Variants in INTS6 observed in about 807,000 individuals in gnomAD.
INTS6 encodes the protein integrator complex subunit 6.
INTS6 carries 16 observed loss-of-function variants against 104.9 expected under a neutral mutation model. The ratio of observed to expected loss-of-function variants is 0.15; its 90% CI spans 0.10 to 0.23. The LOEUF (loss-of-function observed/expected upper bound fraction) is 0.23, where lower values mean the gene tolerates loss of function less well. Among genes scored for constraint, INTS6 ranks in the 10% least tolerant of loss-of-function variants. INTS6 has a pLI of 1.00. For synonymous variants in INTS6, 324 were observed against 358.7 expected (o/e 0.90, Z 1.09); for missense variants, 584 against 1,062.8 (o/e 0.55, Z 6.26).
chr13:51,335,365 A>G, the INTS6 span, among the ~76,000 whole-genome samples: 1 of 152,234 alleles, frequency 6.6e-6, no homozygotes, highest in Non-Finnish European at 1.5e-5. Flanking sequence ...TCAGAAGAGG[A>G]AACAGAAAAG....
chr13:51,420,197 C>A (rs1030158707), intron 4 of INTS6, among the ~76,000 whole-genome samples: 5 of 151,374 alleles, frequency 3.3e-5, no homozygotes, highest in African/African-American at 1.2e-4. Context: ...TTTTAAAGTT[C>A]TATTTTAATA....
intron 5 of INTS6, among the ~76,000 whole-genome samples, chr13:51,392,697 G>A (rs1477150029): frequency 2.6e-5 from 4 of 152,086 alleles, no homozygotes; most frequent in Non-Finnish European, 1.5e-5. Flanking sequence ...CCCTTACTCT[G>A]TTTTGTCTTC....
intron 7 of INTS6, chr13:51,384,907 T>C (rs1212251658): frequency 2.9e-6 from 1 of 347,380 alleles, no homozygotes; most frequent in African/African-American, 2.2e-5. Flanking sequence ...CTTTGTTTAG[T>C]TTCTAATCAG....
downstream of INTS6, among the ~76,000 whole-genome samples, chr13:51,349,226 A>C (rs1955382348): frequency 6.6e-6 from 1 of 152,196 alleles, no homozygotes; most frequent in African/African-American, 2.4e-5. Flanking sequence ...CAGTAGGCAA[A>C]GGCAAAGTCC....
At chr13:51,339,087 T>C in the INTS6 span, among the ~76,000 whole-genome samples, 2 of 152,224 alleles carry the variant, frequency 1.3e-5, no homozygotes, top group African/African-American at 4.8e-5. Context: ...AAATTAGTCA[T>C]TGGACTTACG....
Position 51,449,906 on chromosome 13 carries a change from C to T in INTS6, c.339+1119G>A. The T allele has an allele frequency of 3.0e-6, 3 of 985,158 alleles. No individual in the cohort carries two copies. The South Asian group carries it at 1.4e-4, about 46-fold the overall frequency. 61.0% of individuals were successfully genotyped at this position (985,158 alleles called of 1,614,324 possible). Reference sequence around the variant, plus strand: ...TTGGAAGTTCAATTTGGTAAGCTCACTCTGAATTTCAGTGTACATTTTAAA... The same window carrying T: ...TTGGAAGTTCAATTTGGTAAGCTCATTCTGAATTTCAGTGTACATTTTAAA... On this transcript the variant is annotated intron_variant, in intron 3 of 17. Transcript: ENST00000311234.
downstream of INTS6, among the ~76,000 whole-genome samples, chr13:51,352,141 C>G (rs2137795560): frequency 6.6e-6 from 1 of 152,068 alleles, no homozygotes; most frequent in South Asian, 2.1e-4. Context: ...CAATTTTTGC[C>G]AAAAATGCAG....
chr13:51,411,136 C>A (rs1318346641), intron 4 of INTS6, among the ~76,000 whole-genome samples: 5 of 151,598 alleles, frequency 3.3e-5, no homozygotes, highest in African/African-American at 9.7e-5. Flanking sequence ...TTGCTTGAAC[C>A]CGGGAGGCAG....
At chr13:51,440,210 C>T (rs1952768926) in intron 3 of INTS6, 1 of 149,784 alleles carries the variant, frequency 6.7e-6, no homozygotes, top group African/African-American at 2.5e-5. Context: ...GAGATCGAGC[C>T]ACTGCACTCC....
At chr13:51,341,453 C>A in the INTS6 span, 1 of 1,131,402 alleles carries the variant, frequency 8.8e-7, no homozygotes. Flanking sequence ...TCCAGCTTAC[C>A]CTGCTGCTCA....
At chr13:51,450,546 A>G in intron 3 of INTS6, 1 of 985,430 alleles carries the variant, frequency 1.0e-6, no homozygotes, top group Non-Finnish European at 1.2e-6. Flanking sequence ...CAGTGACTGT[A>G]CTCCAGTGAA....
At chr13:51,379,253 G>A (rs1013788367) in intron 11 of INTS6, among the ~76,000 whole-genome samples, 3 of 151,600 alleles carry the variant, frequency 2.0e-5, no homozygotes, top group Admixed American at 6.6e-5. Context: ...CATAAATTAG[G>A]AATTATTATA....
intron 3 of INTS6, chr13:51,449,723 AAAGAG>A (rs1431901475): frequency 8.1e-6 from 8 of 985,270 alleles, no homozygotes. Flanking sequence ...AAGGAATATA[AAAGAG>A]AAGGAAATCC....
the INTS6 span, among the ~76,000 whole-genome samples, chr13:51,337,224 C>T: frequency 6.6e-6 from 1 of 152,214 alleles, no homozygotes; most frequent in Non-Finnish European, 1.5e-5. Context: ...ACAGGCAGCC[C>T]ATACAAGCAC....
downstream of INTS6, among the ~76,000 whole-genome samples, chr13:51,358,132 T>C (rs1050491086): frequency 2.0e-5 from 3 of 152,034 alleles, no homozygotes; most frequent in African/African-American, 7.2e-5. Flanking sequence ...GCACTCTCTC[T>C]CCCTCTCCTG....
At chr13:51,438,127 C>A (rs1236829734) in intron 3 of INTS6, 3 of 152,256 alleles carry the variant, frequency 2.0e-5, no homozygotes, top group South Asian at 2.1e-4. Context: ...CCCAACATTG[C>A]TAAGATTTTT....
intron 4 of INTS6, among the ~76,000 whole-genome samples, chr13:51,417,630 A>C (rs1248423350): frequency 1.3e-5 from 2 of 151,446 alleles, no homozygotes; most frequent in Middle Eastern, 3.4e-3. Flanking sequence ...AATTTTTTGT[A>C]TTTTTTAATA....
chr13:51,429,896 C>G (rs370237123), intron 4 of INTS6, among the ~76,000 whole-genome samples: 1 of 149,484 alleles, frequency 6.7e-6, no homozygotes, highest in African/African-American at 2.5e-5. Context: ...CTTTGCTATA[C>G]TCTAGCCAAG....
chr13:51,441,358 CCTTAAT>C (rs1299594654), intron 3 of INTS6: 1 of 152,036 alleles, frequency 6.6e-6, no homozygotes, highest in Admixed American at 6.6e-5. Context: ...GTTGTACATT[CCTTAAT>C]CTTTATCACA....
Sources: allele counts gnomAD v4.1 joint callset (sites outside exome capture counted in the v4.1 genomes callset), GRCh38; gene constraint gnomAD v4.1.1; transcripts MANE v1.5; gene names NCBI Gene and HGNC (gene_info 2026-07-23, HGNC 2026-07-21).